Variants in DNAJC5 observed in about 807,000 individuals in gnomAD.
DNAJC5 encodes DnaJ heat shock protein family (Hsp40) member C5, also known as dnaJ homolog subfamily C member 5.
A neutral mutation model predicts 23.2 loss-of-function variants in DNAJC5; 1 was observed. The observed-to-expected ratio is 0.04, with a 90% CI of 0.02 to 0.20. The LOEUF (loss-of-function observed/expected upper bound fraction) is 0.20, where lower values mean the gene tolerates loss of function less well. Among genes scored for constraint, DNAJC5 ranks in the 10% least tolerant of loss-of-function variants. The pLI is 1.00. For missense variants in DNAJC5, 180 were observed against 267.0 expected (o/e 0.67, Z 2.27); for synonymous variants, 136 against 120.0 (o/e 1.13, Z -0.87).
chr20:63,924,632 G>C (rs1568986591), intron 1 of DNAJC5, among the ~76,000 whole-genome samples: 1 of 151,914 alleles, frequency 6.6e-6, no homozygotes, highest in African/African-American at 2.4e-5. Flanking sequence ...GGGGGGGATT[G>C]ACTGAGGCCA....
chr20:63,920,561 G>C lies in DNAJC5; in HGVS notation c.-11-7774G>C, dbSNP rs901456368. ...AAGCTCAGCGTCCCTGCACGTGTGCGGTCTTGTCTGCCTAGGCATGTGTGC... is the reference window on the plus strand; with the variant it reads ...AAGCTCAGCGTCCCTGCACGTGTGCCGTCTTGTCTGCCTAGGCATGTGTGC... On this transcript the variant is annotated intron_variant, in intron 1 of 4. Transcript: ENST00000360864. This position sits in a 1 kb window ranked among gnomAD's most constrained non-coding sequence, Gnocchi z 4.6. Among the ~76,000 whole-genome samples, 1 of 152,276 alleles carries C rather than the reference G, an allele frequency of 6.6e-6. No individual in the cohort carries two copies. Among genetic ancestry groups the C allele is most frequent in the African/African-American group, 2.4e-5 (1 of 41,476 alleles).
At chr20:63,897,504 T>C (rs1457428693) in intron 1 of DNAJC5, among the ~76,000 whole-genome samples, 2 of 152,076 alleles carry the variant, frequency 1.3e-5, no homozygotes, top group Non-Finnish European at 2.9e-5. Context: ...AGGTGGAGGT[T>C]GCAGTGAGCA....
chr20:63,913,362 G>T (rs900121933), intron 1 of DNAJC5, among the ~76,000 whole-genome samples: 2 of 151,716 alleles, frequency 1.3e-5, no homozygotes, highest in African/African-American at 4.8e-5. Context: ...CCTTGCCCCA[G>T]GGTCCAGGGT....
intron 3 of DNAJC5, among the ~76,000 whole-genome samples, chr20:63,930,012 A>G (rs999849597): frequency 1.4e-4 from 21 of 152,212 alleles, no homozygotes; most frequent in African/African-American, 3.9e-4. Flanking sequence ...CCTTCGTGAG[A>G]CAGGAGGAAA....
chr20:63,905,866 C>G (rs988386453), intron 1 of DNAJC5, among the ~76,000 whole-genome samples: 1 of 151,998 alleles, frequency 6.6e-6, no homozygotes, highest in African/African-American at 2.4e-5. Context: ...TCCCGAGTAG[C>G]TGGGATTACA....
At chr20:63,904,174 C>T (rs1306574371) in intron 1 of DNAJC5, among the ~76,000 whole-genome samples, 1 of 152,154 alleles carries the variant, frequency 6.6e-6, no homozygotes, top group African/African-American at 2.4e-5. Flanking sequence ...GACAGCCATG[C>T]AGGGTGGGTC....
Position 63,901,754 on chromosome 20 carries a change from C to T in DNAJC5, c.-12+6431C>T, listed in dbSNP as rs913300028. Reference sequence around the variant, plus strand: ...TTGGATCTTTGCTGAGCAGTCCCATCGGATTTTTCTTTATTAAATAGGATT... The same window carrying T: ...TTGGATCTTTGCTGAGCAGTCCCATTGGATTTTTCTTTATTAAATAGGATT... On this transcript the variant is annotated intron_variant, in intron 1 of 4. Transcript: ENST00000360864. Among the ~76,000 whole-genome samples, 13 of 152,300 alleles carry T rather than the reference C, an allele frequency of 8.5e-5. 1 individual carries two copies. The highest frequency in any genetic ancestry group is 1.2e-4 in the African/African-American group (5 of 41,566).
chr20:63,899,124 T>G (rs926952337), intron 1 of DNAJC5, among the ~76,000 whole-genome samples: 1 of 152,174 alleles, frequency 6.6e-6, no homozygotes, highest in African/African-American at 2.4e-5. Flanking sequence ...TTCCCCTGCG[T>G]CCTGCTGGGA....
In DNAJC5 at chr20:63,932,330, G is replaced by A. The variant is rs565154557; in HGVS notation, c.*762G>A. On this transcript the variant is annotated 3_prime_UTR_variant, in exon 5 of 5. Coordinates refer to ENST00000360864, the MANE Select transcript of DNAJC5 (RefSeq NM_025219.3). The surrounding 1 kb of genome is among the most constrained non-coding windows in gnomAD (Gnocchi z 4.4). ...TGTGGACGCTGCCGTTCTGGTTCTC[G>A]GAGGTGTGTCCTTCGCCGTGTTGGG... The A allele has an allele frequency of 3.9e-5, 6 of 152,798 alleles. No individual in the cohort carries two copies. The highest frequency in any genetic ancestry group is 2.0e-4 in the Admixed American group (3 of 15,284). 9.5% of individuals were successfully genotyped at this position (152,798 alleles called of 1,614,324 possible). A position where few individuals can be genotyped will look rare whatever the true frequency, so the allele number is the denominator to read the frequency against.
At position 63,931,382 on chromosome 20, in the gene DNAJC5, C is replaced by A; in HGVS notation, c.494-83C>A. ...TCCCGGTGGAGAGTTTGTCCAGGTG[C>A]CCGAAAGTCGCTCCACAGGACCAGC... On this transcript the variant is annotated intron_variant, in intron 4 of 4. Coordinates refer to ENST00000360864, the MANE Select transcript of DNAJC5 (RefSeq NM_025219.3). The surrounding 1 kb of genome is among the most constrained non-coding windows in gnomAD (Gnocchi z 9.6). 7.7e-7 allele frequency: 1 copy of A among 1,299,572 alleles called. No homozygotes were observed. Among genetic ancestry groups the A allele is most frequent in the Non-Finnish European group, 1.1e-6 (1 of 932,684 alleles). 80.5% of individuals were successfully genotyped at this position (1,299,572 alleles called of 1,614,324 possible).
In DNAJC5 at chr20:63,901,382, G is replaced by A. The variant is rs187067686; in HGVS notation, c.-12+6059G>A. 1.3e-4 allele frequency among the ~76,000 whole-genome samples: 20 copies of A among 152,300 alleles called. No individual in the cohort carries two copies. In the South Asian group the frequency reaches 2.5e-3, roughly 19 times the overall value. On this transcript the variant is annotated intron_variant, in intron 1 of 4. Coordinates refer to ENST00000360864, the MANE Select transcript of DNAJC5 (RefSeq NM_025219.3). ...GCCCTCCTTGCTGTCTCTAGAGCGCGGCTGACTTCGGGGAGAGCTCTCCCT... is the reference window on the plus strand; with the variant it reads ...GCCCTCCTTGCTGTCTCTAGAGCGCAGCTGACTTCGGGGAGAGCTCTCCCT...
chr20:63,917,688 T>A (rs890739751), intron 1 of DNAJC5, among the ~76,000 whole-genome samples: 1 of 152,154 alleles, frequency 6.6e-6, no homozygotes, highest in Non-Finnish European at 1.5e-5. Context: ...CCTGAGTAGC[T>A]GGGACTACAG....
At chr20:63,895,803 A>C (rs1200803781) in intron 1 of DNAJC5, among the ~76,000 whole-genome samples, 1 of 152,214 alleles carries the variant, frequency 6.6e-6, no homozygotes, top group Non-Finnish European at 1.5e-5. Flanking sequence ...ATCGTAAATT[A>C]ATCTTTCCGA....
intron 1 of DNAJC5, among the ~76,000 whole-genome samples, chr20:63,917,732 T>A (rs1015528760): frequency 5.3e-5 from 8 of 151,726 alleles, no homozygotes; most frequent in African/African-American, 1.9e-4. Flanking sequence ...ATTTTTGTAT[T>A]TTTTGGCAGA....
chr20:63,921,433 T>A (rs1324146322), intron 1 of DNAJC5, among the ~76,000 whole-genome samples: 1 of 151,810 alleles, frequency 6.6e-6, no homozygotes, highest in East Asian at 2.0e-4. Context: ...CTACTAAAAC[T>A]GCAAAAAATT....
intron 1 of DNAJC5, among the ~76,000 whole-genome samples, chr20:63,925,461 C>G (rs35762256): frequency 6.6e-6 from 1 of 151,980 alleles, no homozygotes; most frequent in Non-Finnish European, 1.5e-5. Context: ...CCAGCCTGGG[C>G]AAACAGAGCG....
chr20:63,930,718 T>G, intron 3 of DNAJC5, 133 bp from the exon 4 acceptor site: 1 of 1,408,668 alleles, frequency 7.1e-7, no homozygotes. Context: ...TCTTTCCTTC[T>G]GCTTCCTGTC....
In DNAJC5 at chr20:63,928,354, C is replaced by T. The variant is rs1183745006; in HGVS notation, c.9C>T (p.Asp3=). MA[D]QRQRSLSTSG... is the part of the protein sequence containing the mutation. ...TTCTAGAATAGCCTAACATGGCAGA[C>T]CAGAGACAGCGCTCACTGTCTACCT... Residue 3 remains aspartate (D), a synonymous_variant, in exon 2 of 5, where the codon GAC becomes GAT. Transcript: ENST00000360864. The surrounding 1 kb of genome is among the most constrained non-coding windows in gnomAD (Gnocchi z 4.6). 8 of 1,613,696 alleles carry T rather than the reference C, an allele frequency of 5.0e-6. No individual in the cohort carries two copies. In the Admixed American group the frequency reaches 1.2e-4, roughly 24 times the overall value.
chr20:63,931,660 C>A lies in DNAJC5; in HGVS notation c.*92C>A. 1 of 1,324,072 alleles carries A rather than the reference C, an allele frequency of 7.6e-7. No homozygotes were observed. The highest frequency in any genetic ancestry group is 1.0e-6 in the Non-Finnish European group (1 of 953,714). The allele number at this position is 1,324,072 out of a possible 1,614,324, so 82.0% of individuals were successfully genotyped here. ...TGTAGTCACAGAGATGGGAAGGCAG[C>A]CTCCTGCCTGCCCTGGCCTTGCTGG... On this transcript the variant is annotated 3_prime_UTR_variant, in exon 5 of 5. Transcript: ENST00000360864. This position sits in a 1 kb window ranked among gnomAD's most constrained non-coding sequence, Gnocchi z 9.6.
Sources: gnomAD v4.1 joint callset for allele counts (sites outside exome capture counted in the v4.1 genomes callset) on GRCh38, gnomAD v4.1.1 for gene constraint, Gnocchi (gnomAD v3.1) non-coding constraint, MANE v1.5 for transcripts, NCBI Gene and HGNC (gene_info 2026-07-23, HGNC 2026-07-21) for gene names.